MIR2052HG: variants seen among roughly 807,000 people sequenced by gnomAD.
MIR2052HG encodes MIR2052 host gene.
At chr8:74,688,087 G>A (rs568446653) in intron 2 of MIR2052HG, among the ~76,000 whole-genome samples, 7 of 152,244 alleles carry the variant, frequency 4.6e-5, no homozygotes, top group South Asian at 2.1e-4. Context: ...TTTGGGCTGC[G>A]TACTGTCTTT....
intron 2 of MIR2052HG, among the ~76,000 whole-genome samples, chr8:74,687,039 AC>A (rs1449641096): frequency 1.3e-5 from 2 of 152,286 alleles, no homozygotes; most frequent in East Asian, 3.9e-4. Context: ...AAAAAGAAGA[AC>A]TTGAGCAGAT....
chr8:74,731,416 A>G (rs1809691241), intron 4 of MIR2052HG, among the ~76,000 whole-genome samples: 1 of 152,246 alleles, frequency 6.6e-6, no homozygotes, highest in Non-Finnish European at 1.5e-5. Context: ...TGGAGCCTCA[A>G]CTAGCATTAT....
intron 1 of MIR2052HG, chr8:74,610,050 A>G (rs993924570): frequency 3.3e-5 from 5 of 151,888 alleles, no homozygotes; most frequent in African/African-American, 1.2e-4. Flanking sequence ...CCTGTAATGG[A>G]AAAGAAAAAA....
intron 4 of MIR2052HG, among the ~76,000 whole-genome samples, chr8:74,738,984 A>G (rs185901336): frequency 2.5e-4 from 38 of 152,366 alleles, no homozygotes; most frequent in Admixed American, 1.6e-3. Context: ...GTTTTTCTTT[A>G]TAATAATGAA....
chr8:74,751,349 A>G (rs991964591), intron 4 of MIR2052HG, among the ~76,000 whole-genome samples: 19 of 152,246 alleles, frequency 1.2e-4, no homozygotes, highest in African/African-American at 4.1e-4. Context: ...GTTTCTTAAC[A>G]TGAGAAGGCT....
intron 2 of MIR2052HG, among the ~76,000 whole-genome samples, chr8:74,640,297 C>T (rs1166873604): frequency 6.6e-6 from 1 of 151,518 alleles, no homozygotes; most frequent in African/African-American, 2.4e-5. Context: ...GAAACCCCGT[C>T]TCTACTAAAA....
chr8:74,742,664 T>G (rs2128755863), intron 4 of MIR2052HG, among the ~76,000 whole-genome samples: 1 of 152,294 alleles, frequency 6.6e-6, no homozygotes, highest in African/African-American at 2.4e-5. Context: ...TAATCTACTG[T>G]GGAAATGTTG....
chr8:74,629,306 A>T (rs1035506887), intron 2 of MIR2052HG, among the ~76,000 whole-genome samples: 1 of 152,090 alleles, frequency 6.6e-6, no homozygotes, highest in Non-Finnish European at 1.5e-5. Flanking sequence ...ATATTTATTG[A>T]AGCCAAACGT....
At position 74,702,477 on chromosome 8, in the gene MIR2052HG, A is replaced by T. The variant is rs1006921152; in HGVS notation, n.294+21A>T. 9 of 449,122 alleles carry T rather than the reference A, an allele frequency of 2.0e-5. No individual in the cohort carries two copies. The East Asian group carries it at 5.6e-4, about 28-fold the overall frequency. The allele number at this position is 449,122 out of a possible 1,614,324, so 27.8% of individuals were successfully genotyped here. On this transcript the variant is annotated intron_variant and non_coding_transcript_variant, in intron 3 of 6. Coordinates refer to ENST00000523442, the Ensembl canonical transcript of MIR2052HG. ...GCAAGGTAAGTCAGTTCTTCTGAAG[A>T]CTTGCCTGTACCTCAATGTCTGCAC...
intron 2 of MIR2052HG, among the ~76,000 whole-genome samples, chr8:74,693,057 A>T (rs1809255769): frequency 6.6e-6 from 1 of 152,244 alleles, no homozygotes. Context: ...AAGACATTAT[A>T]ATCTGGTGGC....
chr8:74,753,677 T>G (rs1176363732), intron 5 of MIR2052HG, among the ~76,000 whole-genome samples: 2 of 152,236 alleles, frequency 1.3e-5, no homozygotes, highest in Non-Finnish European at 2.9e-5. Flanking sequence ...TTATTGCAGG[T>G]GCTGATTAGG....
At chr8:74,650,118 A>G (rs116690151) in intron 2 of MIR2052HG, among the ~76,000 whole-genome samples, 1,697 of 152,318 alleles carry the variant, frequency 0.011, 26 homozygotes, top group African/African-American at 0.038. Flanking sequence ...ACTTACACAC[A>G]ATAATATAAG....
At chr8:74,721,569 C>T (rs1809578602) in intron 4 of MIR2052HG, among the ~76,000 whole-genome samples, 1 of 152,204 alleles carries the variant, frequency 6.6e-6, no homozygotes, top group South Asian at 2.1e-4. Flanking sequence ...TCTCTCTCCA[C>T]ATGGCTTTCA....
At chr8:74,693,137 C>T (rs1175110703) in intron 2 of MIR2052HG, among the ~76,000 whole-genome samples, 2 of 152,126 alleles carry the variant, frequency 1.3e-5, no homozygotes, top group African/African-American at 4.8e-5. Context: ...CTCAATGTTT[C>T]TATGTTTTAT....
intron 2 of MIR2052HG, among the ~76,000 whole-genome samples, chr8:74,675,250 A>G (rs1210867063): frequency 6.6e-6 from 1 of 152,002 alleles, no homozygotes; most frequent in Non-Finnish European, 1.5e-5. Flanking sequence ...ACATCAGCAG[A>G]TTCAACCAAT....
intron 5 of MIR2052HG, among the ~76,000 whole-genome samples, chr8:74,755,012 A>C (rs1013357329): frequency 6.6e-6 from 1 of 152,164 alleles, no homozygotes; most frequent in Non-Finnish European, 1.5e-5. Context: ...ACAACTAGAG[A>C]AATGAAGAAG....
intron 2 of MIR2052HG, among the ~76,000 whole-genome samples, chr8:74,634,816 A>C (rs1808561359): frequency 6.6e-6 from 1 of 152,166 alleles, no homozygotes; most frequent in African/African-American, 2.4e-5. Context: ...TGAGGGGTCC[A>C]TAGCTTTATG....
intron 2 of MIR2052HG, among the ~76,000 whole-genome samples, chr8:74,660,230 A>G (rs184677345): frequency 2.7e-4 from 41 of 152,308 alleles, no homozygotes; most frequent in African/African-American, 7.9e-4. Context: ...TTCAGCTTCA[A>G]ATGACCTACA....
At position 74,749,256 on chromosome 8, in the gene MIR2052HG, A is replaced by T. The variant is rs184929780; in HGVS notation, n.372-3185A>T. 1.8e-3 allele frequency among the ~76,000 whole-genome samples: 280 copies of T among 152,250 alleles called. No individual in the cohort carries two copies. In the Middle Eastern group the frequency reaches 0.02, roughly 11 times the overall value. ...AATTATAAAAAATCCCAAATGACAA[A>T]ACCATGATTGTTGATGCTGTAATTC... On this transcript the variant is annotated intron_variant and non_coding_transcript_variant, in intron 4 of 6. Transcript: ENST00000523442.
Sources: gnomAD v4.1 joint callset for allele counts (sites outside exome capture counted in the v4.1 genomes callset) on GRCh38, gnomAD v4.1.1 for gene constraint, MANE v1.5 for transcripts, NCBI Gene and HGNC (gene_info 2026-07-23, HGNC 2026-07-21) for gene names.